The following MIB2 variants were observed in gnomAD, a reference collection of about 807,000 sequenced individuals.
MIB2 encodes E3 ubiquitin-protein ligase MIB2.
A neutral mutation model predicts 96.6 loss-of-function variants in MIB2; 78 were observed. That is an observed-to-expected ratio of 0.81 (90% CI 0.67 to 0.97). The LOEUF (loss-of-function observed/expected upper bound fraction) is 0.97, where lower values mean the gene tolerates loss of function less well. Among genes scored for constraint, MIB2 ranks in the 50% least tolerant of loss-of-function variants. The pLI is 0.00. For synonymous variants in MIB2, 820 were observed against 629.5 expected, an observed-to-expected ratio of 1.30 and a Z score of -4.53; for missense variants, 1,543 against 1,424.0, an observed-to-expected ratio of 1.08 and a Z score of -1.35.
At chr1:1,628,457 C>T (rs1354739029) in intron 15 of MIB2, 32 bp from the exon 16 acceptor site, 2 of 1,597,844 alleles carry the variant, frequency 1.3e-6, no homozygotes, top group Admixed American at 3.4e-5. Flanking sequence ...CACTGGGGTC[C>T]CTGGGCTGAG....
At position 1,629,415 on chromosome 1, in the gene MIB2, G is replaced by T; in HGVS notation, c.2412G>T (p.Pro804=). The change falls in exon 18 of 20, where the codon CCG becomes CCT. Residue 804 remains proline, a synonymous_variant. Transcript: ENST00000355826. ...GGCAGGCGGGCGGGGGCGCGGCCCC[G>T]GGCCCCAGGCAAACGCTCGGGACCC... ...RERQAGGGAA[P]GPRQTLGTPN... is the part of the protein sequence containing the mutation. 2 of 1,331,066 alleles carry T rather than the reference G, an allele frequency of 1.5e-6. No homozygotes were observed. The highest frequency in any genetic ancestry group is 1.9e-6 in the Non-Finnish European group (2 of 1,031,444). The allele number at this position is 1,331,066 out of a possible 1,614,324, so 82.5% of individuals were successfully genotyped here.
intron 16 of MIB2, 121 bp from the exon 17 acceptor site, chr1:1,629,012 G>A (rs966450953): frequency 8.9e-6 from 10 of 1,125,002 alleles, no homozygotes; most frequent in African/African-American, 3.3e-5. Context: ...TCCGGAAGAG[G>A]TGCCCTTGCC....
chr1:1,627,206 A>G lies in MIB2; in HGVS notation c.1373A>G (p.Gln458Arg). The part of the protein sequence containing the change: ...ALDLLRRRPE[Q>R]VDTKNQGRTA... ...GACCTGCTGCGGAGGCGCCCAGAGC[A>G]GGCAAGCTCCTGACCCCGTCCTCCC... Residue 458 changes from glutamine to arginine, a missense_variant and splice_region_variant, in exon 11 of 20, where the codon CAG (glutamine) becomes CGG (arginine). Gln to Arg is a conservative substitution (Grantham distance 43, BLOSUM62 1). Transcript: ENST00000355826. 1.9e-6 allele frequency: 3 copies of G among 1,605,494 alleles called. No individual in the cohort carries two copies. The highest frequency in any genetic ancestry group is 1.7e-6 in the Non-Finnish European group (2 of 1,176,474).
rs1213162718 is a variant in MIB2, at chr1:1,623,215, G to C, written c.-22-216G>C. On this transcript the variant is annotated intron_variant, in intron 2 of 19. Transcript: ENST00000355826. The stretch of plus-strand genomic sequence containing the variant: ...AGACCACCCTGCAGTTCCCGCGCCA[G>C]GCTGGCACGGCGCCCGCCTTTCCCA... 36 of 756,770 alleles carry C rather than the reference G, an allele frequency of 4.8e-5. No homozygotes were observed. The East Asian group carries it at 1.1e-3, about 22-fold the overall frequency. 46.9% of individuals were successfully genotyped at this position (756,770 alleles called of 1,614,324 possible). A position where few individuals can be genotyped will look rare whatever the true frequency, so the allele number is the denominator to read the frequency against.
chr1:1,615,902 G>C, intron 1 of MIB2: 1 of 1,020,506 alleles, frequency 9.8e-7, no homozygotes, highest in Non-Finnish European at 1.2e-6. Context: ...CGCTGGGGTC[G>C]GCGCTGGGGT....
chr1:1,616,241 C>G, intron 1 of MIB2: 4 of 463,262 alleles, frequency 8.6e-6, no homozygotes, highest in Non-Finnish European at 1.2e-5. Context: ...CGTTCCCCTG[C>G]GCCGGCGCCC....
Position 1,629,302 on chromosome 1 carries a change from A to C in MIB2, c.2372A>C (p.Gln791Pro). 1 of 1,505,324 alleles carries C rather than the reference A, an allele frequency of 6.6e-7. No homozygotes were observed. Among genetic ancestry groups the C allele is most frequent in the Non-Finnish European group, 8.8e-7 (1 of 1,142,428 alleles). The allele number at this position is 1,505,324 out of a possible 1,614,324, so 93.2% of individuals were successfully genotyped here. The change falls in exon 17 of 20, where the codon CAG becomes CCG. Residue 791 changes from glutamine to proline, a missense_variant. Physicochemically the swap from Gln to Pro is moderately conservative, Grantham distance 76. Coordinates refer to ENST00000355826, the MANE Select transcript of MIB2 (RefSeq NM_001170687.4). ...RVLKALQGCAQRFRERQAGGG... is the reference protein window; with the variant it reads ...RVLKALQGCAPRFRERQAGGG... ...CTCAAGGCCCTTCAGGGCTGCGCCC[A>C]GCGCTTCCGGTGAGTCCGTGGACGG...
chr1:1,626,706 G>A lies in MIB2; in HGVS notation c.1029G>A (p.Val343=), dbSNP rs1455878534. 1 of 1,601,984 alleles carries A rather than the reference G, an allele frequency of 6.2e-7. No individual in the cohort carries two copies. Among genetic ancestry groups the A allele is most frequent in the African/African-American group, 1.3e-5 (1 of 74,836 alleles). ...VVRVIGDLDT[V]KRLQAGHGEW... ...GGGTCATCGGCGACCTTGACACAGTGAAGCGGCTGCAGGCTGGGCATGGCG... is the reference window on the plus strand; with the variant it reads ...GGGTCATCGGCGACCTTGACACAGTAAAGCGGCTGCAGGCTGGGCATGGCG... Residue 343 remains valine, a synonymous_variant, in exon 9 of 20, where the codon GTG becomes GTA. Coordinates refer to ENST00000355826, the MANE Select transcript of MIB2 (RefSeq NM_001170687.4). This position sits in a 1 kb window ranked among gnomAD's most constrained non-coding sequence, Gnocchi z 5.3.
In MIB2 at chr1:1,626,452, A is replaced by G. The variant is rs1027362658; in HGVS notation, c.973-198A>G. 2 of 574,040 alleles carry G rather than the reference A, an allele frequency of 3.5e-6. No individual in the cohort carries two copies. The highest frequency in any genetic ancestry group is 2.3e-5 in the South Asian group (1 of 44,000). 35.6% of individuals were successfully genotyped at this position (574,040 alleles called of 1,614,324 possible). On this transcript the variant is annotated intron_variant, in intron 8 of 19. Coordinates refer to ENST00000355826, the MANE Select transcript of MIB2 (RefSeq NM_001170687.4). The surrounding 1 kb of genome is among the most constrained non-coding windows in gnomAD (Gnocchi z 5.3). ...ACACTCCTCCCATGGCTCTGGGGCTAGGGACACCCAGGGCTGCCTTGGACA... is the reference window on the plus strand; with the variant it reads ...ACACTCCTCCCATGGCTCTGGGGCTGGGGACACCCAGGGCTGCCTTGGACA...
At chr1:1,617,461 A>G (rs1459696245) in intron 2 of MIB2, 1 of 152,254 alleles carries the variant, frequency 6.6e-6, no homozygotes, top group Non-Finnish European at 1.5e-5. Context: ...CTTGTGAAAA[A>G]GAGAAACTAA....
At chr1:1,629,057 C>T (rs761091143) in intron 16 of MIB2, 76 bp from the exon 17 acceptor site, 1 of 1,339,412 alleles carries the variant, frequency 7.5e-7, no homozygotes, top group Admixed American at 3.7e-5. Context: ...GCTGCTGGGG[C>T]TGCCAGGTGC....
chr1:1,618,340 C>G (rs1411199696), intron 2 of MIB2: 1 of 152,434 alleles, frequency 6.6e-6, no homozygotes, highest in Non-Finnish European at 1.5e-5. Context: ...GCCTCCTGCT[C>G]TCCAGGAAGG....
intron 1 of MIB2, 135 bp downstream of exon 1, chr1:1,615,768 G>A: frequency 7.1e-6 from 10 of 1,412,414 alleles, no homozygotes; most frequent in Non-Finnish European, 9.2e-6. Context: ...TCGGCGTAGG[G>A]TCCGCACGGG....
intron 4 of MIB2, chr1:1,624,255 G>A: frequency 2.2e-6 from 1 of 461,212 alleles, no homozygotes; most frequent in East Asian, 3.8e-5. Context: ...TGGTCCGAGG[G>A]CATCAGCTCG....
intron 4 of MIB2, chr1:1,624,260 A>G (rs546734354): frequency 2.4e-4 from 110 of 449,180 alleles, no homozygotes; most frequent in African/African-American, 2.1e-3. Flanking sequence ...CGAGGGCATC[A>G]GCTCGGGGAG....
rs1277713348 is a variant in MIB2 at position 1,615,807 on chromosome 1, C to CG, written c.-130+174_-130+175insG. 3 of 1,310,404 alleles carry CG rather than the reference C, an allele frequency of 2.3e-6. No homozygotes were observed. The African/African-American group carries it at 4.7e-5, about 20-fold the overall frequency. The allele number at this position is 1,310,404 out of a possible 1,614,324, so 81.2% of individuals were successfully genotyped here. A position where few individuals can be genotyped will look rare whatever the true frequency, so the allele number is the denominator to read the frequency against. On this transcript the variant is annotated intron_variant, in intron 1 of 19. Transcript: ENST00000355826. ...GGCTGGGGCTGCGCGCGCAGCGCCG[C>CG]CGCGGGGCCTCCTGGGAGTTGTGGT...
chr1:1,620,200 G>T (rs781509520), intron 2 of MIB2, among the ~76,000 whole-genome samples: 3 of 152,270 alleles, frequency 2.0e-5, no homozygotes, highest in Non-Finnish European at 4.4e-5. Context: ...TCGGGCAGGT[G>T]TGGCCGCTGG....
At chr1:1,621,759 A>G (rs1644276933) in intron 2 of MIB2, among the ~76,000 whole-genome samples, 1 of 152,202 alleles carries the variant, frequency 6.6e-6, no homozygotes, top group African/African-American at 2.4e-5. Context: ...CCTGAGAATT[A>G]GAGGGAGTCC....
chr1:1,624,720 G>A (rs28441650), intron 4 of MIB2, 75 bp from the exon 5 acceptor site: 458,109 of 1,380,648 alleles, frequency 0.33, 83,269 homozygotes, highest in Non-Finnish European at 0.38. Context: ...CCACTGCATC[G>A]CTCTCCCAAG....
Sources: gnomAD v4.1 joint callset for allele counts (sites outside exome capture counted in the v4.1 genomes callset) on GRCh38, gnomAD v4.1.1 for gene constraint, Gnocchi (gnomAD v3.1) non-coding constraint, MANE v1.5 for transcripts, NCBI Gene and HGNC (gene_info 2026-07-23, HGNC 2026-07-21) for gene names.